Variants in ATP13A5 observed in about 807,000 individuals in gnomAD.
ATP13A5 encodes the protein ATPase 13A5.
ATP13A5 carries 149 observed loss-of-function variants against 150.2 expected under a neutral mutation model. The ratio of observed to expected loss-of-function variants is 0.99; its 90% CI spans 0.87 to 1.14. The LOEUF (loss-of-function observed/expected upper bound fraction) is 1.14. Among genes scored for constraint, ATP13A5 ranks in the 50% most tolerant of loss-of-function variants. The pLI is 0.00. For synonymous variants in ATP13A5, 497 were observed against 522.2 expected, an observed-to-expected ratio of 0.95 and a Z score of 0.66; for missense variants, 1,383 against 1,449.3, an observed-to-expected ratio of 0.95 and a Z score of 0.74.
At chr3:193,357,962 T>TATTC (rs925323398) in intron 5 of ATP13A5, among the ~76,000 whole-genome samples, 8 of 121,180 alleles carry the variant, frequency 6.6e-5, no homozygotes, top group African/African-American at 1.9e-4. Context: ...TTTCATTTGT[T>TATTC]ATTCATTCAT....
chr3:193,286,759 G>A (rs1717739715), intron 26 of ATP13A5, among the ~76,000 whole-genome samples: 1 of 152,214 alleles, frequency 6.6e-6, no homozygotes, highest in South Asian at 2.1e-4. Context: ...TCAAGTGAAA[G>A]GAAGAGTCAC....
chr3:193,307,602 C>T (rs1688980499), intron 21 of ATP13A5, among the ~76,000 whole-genome samples: 1 of 152,122 alleles, frequency 6.6e-6, no homozygotes, highest in African/African-American at 2.4e-5. Context: ...GTGATATAAC[C>T]AAGGACATCG....
Position 193,327,070 on chromosome 3 carries a change from T to G in ATP13A5, c.1462-13A>C. 1 of 1,600,216 alleles carries G rather than the reference T, an allele frequency of 6.2e-7. No individual in the cohort carries two copies. Among genetic ancestry groups the G allele is most frequent in the Non-Finnish European group, 8.5e-7 (1 of 1,175,366 alleles). The stretch of plus-strand genomic sequence containing the variant: ...TGAGAGTGCCAGTCTGAGTAAAAAT[T>G]AAAAGCAATATTAGCATAAGATTTA... On this transcript the variant is annotated splice_polypyrimidine_tract_variant and intron_variant, in intron 12 of 29. Transcript: ENST00000342358.
chr3:193,330,941 TAA>T (rs974938156), intron 12 of ATP13A5, among the ~76,000 whole-genome samples, 180 bp downstream of exon 12: 1 of 152,112 alleles, frequency 6.6e-6, no homozygotes, highest in Non-Finnish European at 1.5e-5. Flanking sequence ...CTGCTAACCT[TAA>T]GAGTCAGCAG....
chr3:193,354,940 C>CTTTTTTTTTTTTTTTTTTTT (rs545467259), intron 5 of ATP13A5, among the ~76,000 whole-genome samples: 2 of 127,910 alleles, frequency 1.6e-5, no homozygotes, highest in African/African-American at 3.0e-5. Flanking sequence ...AACAATGTAA[C>CTTTTTTTTTTTTTTTTTTTT]TTTTTTTTTG....
chr3:193,378,737 C>T lies in ATP13A5; in HGVS notation c.-12G>A, dbSNP rs997652161. Reference sequence around the variant, plus strand: ...CTGTTCTCTTCCATCTGAACTCAACCGGCGAGGATCTCTTCTGGCTAACTC... The same window carrying T: ...CTGTTCTCTTCCATCTGAACTCAACTGGCGAGGATCTCTTCTGGCTAACTC... On this transcript the variant is annotated 5_prime_UTR_variant, in exon 1 of 30. Coordinates refer to ENST00000342358, the MANE Select transcript of ATP13A5 (RefSeq NM_198505.4). 1.1e-5 allele frequency: 17 copies of T among 1,612,424 alleles called. No individual in the cohort carries two copies. Among genetic ancestry groups the T allele is most frequent in the Admixed American group, 3.3e-5 (2 of 59,960 alleles).
chr3:193,295,038 A>G (rs548991256), intron 25 of ATP13A5, among the ~76,000 whole-genome samples: 80 of 152,220 alleles, frequency 5.3e-4, no homozygotes, highest in South Asian at 1.2e-3. Context: ...GTCAAAAACC[A>G]TAAGTCAAAC....
chr3:193,345,196 A>G (rs1712289493), intron 7 of ATP13A5, 121 bp from the exon 8 acceptor site: 2 of 901,610 alleles, frequency 2.2e-6, no homozygotes, highest in Middle Eastern at 2.7e-4. Context: ...CAAAGGACTC[A>G]ACTTCTTTTG....
chr3:193,308,610 T>C (rs928255467), intron 21 of ATP13A5, among the ~76,000 whole-genome samples: 27 of 152,116 alleles, frequency 1.8e-4, no homozygotes, highest in African/African-American at 6.3e-4. Flanking sequence ...AAAGCACATA[T>C]TTAGTCTCTA....
At chr3:193,287,476 C>T (rs2108824103) in intron 26 of ATP13A5, among the ~76,000 whole-genome samples, 1 of 152,256 alleles carries the variant, frequency 6.6e-6, no homozygotes, top group South Asian at 2.1e-4. Flanking sequence ...AAGGATTATG[C>T]TAACTCTACT....
chr3:193,344,364 C>T (rs559006999), intron 8 of ATP13A5, among the ~76,000 whole-genome samples: 6 of 152,296 alleles, frequency 3.9e-5, no homozygotes, highest in Admixed American at 2.6e-4. Flanking sequence ...TGTTTGCTCT[C>T]GTCCGGGTTT....
At chr3:193,278,784 T>G (rs1717344316) in intron 28 of ATP13A5, among the ~76,000 whole-genome samples, 1 of 152,204 alleles carries the variant, frequency 6.6e-6, no homozygotes, top group Non-Finnish European at 1.5e-5. Flanking sequence ...CGTTCAAGTA[T>G]GTCTCATCTT....
intron 13 of ATP13A5, among the ~76,000 whole-genome samples, chr3:193,326,513 A>C (rs1490813251): frequency 3.3e-5 from 5 of 152,180 alleles, no homozygotes; most frequent in Non-Finnish European, 7.3e-5. Flanking sequence ...TAATTATATA[A>C]AAGTCAGGAC....
intron 12 of ATP13A5, 118 bp from the exon 13 acceptor site, chr3:193,327,175 G>A: frequency 1.2e-6 from 1 of 861,472 alleles, no homozygotes; most frequent in Non-Finnish European, 1.7e-6. Context: ...TAAATACCTT[G>A]TTTATAAGTA....
intron 6 of ATP13A5, 142 bp downstream of exon 6, chr3:193,353,985 G>C: frequency 1.6e-6 from 1 of 620,344 alleles, no homozygotes; most frequent in Non-Finnish European, 2.7e-6. Flanking sequence ...GTAAACCTGA[G>C]TTTAAAATAA....
At chr3:193,299,465 A>G (rs1362970778) in intron 24 of ATP13A5, among the ~76,000 whole-genome samples, 1 of 152,190 alleles carries the variant, frequency 6.6e-6, no homozygotes, top group Non-Finnish European at 1.5e-5. Context: ...TGCATTAATT[A>G]CCTGACAGCT....
Position 193,289,994 on chromosome 3 carries a change from G to C in ATP13A5, c.2914C>G (p.Pro972Ala), listed in dbSNP as rs1717882896. 1.2e-6 allele frequency: 2 copies of C among 1,612,940 alleles called. No individual in the cohort carries two copies. The highest frequency in any genetic ancestry group is 1.1e-5 in the South Asian group (1 of 91,028). ...TTCAAAAATATTGAAAGCAGTAAAGGGGGAGAAAGGAGCTGTCCTGCTGGT... is the reference window on the plus strand; with the variant it reads ...TTCAAAAATATTGAAAGCAGTAAAGCGGGAGAAAGGAGCTGTCCTGCTGGT... ...YRPAGQLLSP[P>A]LLLSIFLNSC... is the part of the protein sequence containing the mutation. Residue 972 changes from proline (P) to alanine (A), a missense_variant, in exon 26 of 30, where the codon CCT (proline) becomes GCT (alanine). By Grantham distance (27) the Pro-to-Ala change is conservative. Around this residue, in one of 3 missense-constraint regions of ATP13A5, gnomAD observed 568 missense variants for 621.5 expected, o/e 0.91. Transcript: ENST00000342358.
intron 6 of ATP13A5, 152 bp from the exon 7 acceptor site, chr3:193,351,353 G>A: frequency 9.9e-7 from 1 of 1,008,832 alleles, no homozygotes; most frequent in East Asian, 2.5e-5. Context: ...ATTGATTTGG[G>A]TTGAGAAAAT....
chr3:193,338,098 G>C (rs1361492968), intron 9 of ATP13A5, among the ~76,000 whole-genome samples: 3 of 152,200 alleles, frequency 2.0e-5, no homozygotes, highest in African/African-American at 7.2e-5. Flanking sequence ...CTGAGACTTT[G>C]CTGAAGTTGC....
Sources: allele counts gnomAD v4.1 joint callset (sites outside exome capture counted in the v4.1 genomes callset), GRCh38; gene constraint gnomAD v4.1.1; regional missense constraint gnomAD v4.1.1; transcripts MANE v1.5; gene names NCBI Gene and HGNC (gene_info 2026-07-23, HGNC 2026-07-21).